RHD: variants seen among roughly 807,000 people sequenced by gnomAD.
The protein encoded by RHD is blood group Rh(D) polypeptide.
A neutral mutation model predicts 45.5 loss-of-function variants in RHD; 16 were observed. The ratio of observed to expected loss-of-function variants is 0.35; its 90% confidence interval spans 0.24 to 0.53. The LOEUF is 0.53. RHD is among the 20% of genes least tolerant of loss of function. The pLI is 0.92. For missense variants in RHD, 306 were observed against 532.0 expected (o/e 0.58, Z 4.18); for synonymous variants, 131 against 217.5 (o/e 0.60, Z 3.50).
intron 2 of RHD, among the ~76,000 whole-genome samples, chr1:25,287,780 G>A (rs1642166132): frequency 1.5e-5 from 2 of 135,048 alleles, no homozygotes; most frequent in African/African-American, 5.1e-5. Context: ...GGAGTGCAGT[G>A]GTACAATCAT....
intron 7 of RHD, among the ~76,000 whole-genome samples, chr1:25,312,949 A>C (rs1290584454): frequency 8.9e-6 from 1 of 112,154 alleles, no homozygotes; most frequent in African/African-American, 2.9e-5. Flanking sequence ...AAAAAAAAAA[A>C]AAAAAACTTT....
Position 25,329,164 on chromosome 1 carries a change from T to A in RHD, c.*240T>A. The A allele has an allele frequency of 1.0e-6, 1 of 971,144 alleles. No individual in the cohort carries two copies. The highest frequency in any genetic ancestry group is 1.6e-6 in the Non-Finnish European group (1 of 639,480). The allele number at this position is 971,144 out of a possible 1,614,324, so 60.2% of individuals were successfully genotyped here. ...TACAGCCATGTACCACATAACAACA[T>A]CTTGGTAAACAACAGACTGCATATA... On this transcript the variant is annotated 3_prime_UTR_variant, in exon 10 of 10. Transcript: ENST00000328664.
chr1:25,281,362 C>A lies in RHD; in HGVS notation c.149-3211C>A, dbSNP rs1187118925. ...CCCCTCACAGGCTCTCTCTGGTCCC[C>A]TTCTGTAAAATGAGAGGAAAATGGA... On this transcript the variant is annotated intron_variant, in intron 1 of 9. Coordinates refer to ENST00000328664, the MANE Select transcript of RHD (RefSeq NM_016124.6). Among the ~76,000 whole-genome samples, 13 of 131,276 alleles carry A rather than the reference C, an allele frequency of 9.9e-5. 2 individuals are homozygous for A. Among genetic ancestry groups the A allele is most frequent in the African/African-American group, 3.4e-4 (13 of 37,732 alleles). The allele number at this position is 131,276 out of a possible 152,430, so 86.1% of individuals were successfully genotyped here.
chr1:25,285,632 A>G (rs1345779708), intron 2 of RHD, among the ~76,000 whole-genome samples: 1 of 135,390 alleles, frequency 7.4e-6, no homozygotes, highest in Non-Finnish European at 1.8e-5. Flanking sequence ...GATATTGATT[A>G]GGAAGGAACA....
chr1:25,305,816 G>T (rs1297870769), intron 6 of RHD, among the ~76,000 whole-genome samples: 3 of 130,832 alleles, frequency 2.3e-5, no homozygotes, highest in African/African-American at 7.9e-5. Context: ...TGGCCCTGCT[G>T]GTCTTGAACT....
chr1:25,316,583 C>T (rs1268919192), intron 7 of RHD, among the ~76,000 whole-genome samples: 4 of 83,410 alleles, frequency 4.8e-5, no homozygotes, highest in Middle Eastern at 7.9e-3. Context: ...CCAGTCTGGA[C>T]GACAGAGTGA....
intron 3 of RHD, among the ~76,000 whole-genome samples, chr1:25,292,896 G>A (rs1456392798): frequency 2.5e-5 from 3 of 121,172 alleles, no homozygotes; most frequent in Admixed American, 1.6e-4. Flanking sequence ...ACATGTGTAA[G>A]AGCCAGCAAA....
At chr1:25,303,519 C>T in intron 6 of RHD, 60 bp downstream of exon 6, 1 of 1,340,286 alleles carries the variant, frequency 7.5e-7, no homozygotes. Context: ...GACGCTGGGA[C>T]CTGATGGGCC....
intron 1 of RHD, among the ~76,000 whole-genome samples, chr1:25,275,604 A>G (rs1334532667): frequency 1.5e-5 from 2 of 133,046 alleles, no homozygotes; most frequent in Admixed American, 7.3e-5. Flanking sequence ...TACTTTAAGT[A>G]TTACTACATT....
chr1:25,309,757 C>G lies in RHD; in HGVS notation c.1073+3028C>G, dbSNP rs545636274. Among the ~76,000 whole-genome samples, 25 of 131,566 alleles carry G rather than the reference C, an allele frequency of 1.9e-4. 5 individuals carry two copies. The South Asian group carries it at 5.3e-3, about 28-fold the overall frequency. 86.3% of individuals were successfully genotyped at this position (131,566 alleles called of 152,430 possible). A position where few individuals can be genotyped will look rare whatever the true frequency, so the allele number is the denominator to read the frequency against. On this transcript the variant is annotated intron_variant, in intron 7 of 9. Coordinates refer to ENST00000328664, the MANE Select transcript of RHD (RefSeq NM_016124.6). ...TTCACTTCCCTAACCTGAACTTGCC[C>G]TCTGTGAAATAGGGACACTAATAGC... is the stretch of plus-strand genomic sequence containing the variant.
chr1:25,290,602 T>C (rs1218308937), intron 2 of RHD, 39 bp from the exon 3 acceptor site: 1 of 1,322,102 alleles, frequency 7.6e-7, no homozygotes, highest in Non-Finnish European at 1.1e-6. Context: ...AGAGGCATCC[T>C]TCCTTCTCAG....
chr1:25,284,980 A>G (rs141668319), intron 2 of RHD, among the ~76,000 whole-genome samples: 2,743 of 135,044 alleles, frequency 0.02, 414 homozygotes, highest in African/African-American at 0.065. Context: ...ATCACAAGGA[A>G]TCCAGGCCTA....
At chr1:25,293,380 TA>T (rs1344560642) in intron 3 of RHD, among the ~76,000 whole-genome samples, 1 of 130,494 alleles carries the variant, frequency 7.7e-6, no homozygotes, top group South Asian at 2.3e-4. Context: ...ACATTTTATT[TA>T]AAAAAATTAT....
In RHD at chr1:25,312,054, C is replaced by T. The variant is rs1276407959; in HGVS notation, c.1074-4946C>T. 1.0e-4 allele frequency among the ~76,000 whole-genome samples: 11 copies of T among 107,218 alleles called. No individual in the cohort carries two copies. In the East Asian group the frequency reaches 2.3e-3, roughly 22 times the overall value. The allele number at this position is 107,218 out of a possible 152,430, so 70.3% of individuals were successfully genotyped here. ...TGCAGGCATGAGACTCCAACCTGTG[C>T]GAAGTGCAACATGGGCAGAACCCAG... On this transcript the variant is annotated intron_variant, in intron 7 of 9. Transcript: ENST00000328664.
chr1:25,289,034 G>T (rs1642273797), intron 2 of RHD, among the ~76,000 whole-genome samples: 1 of 133,734 alleles, frequency 7.5e-6, no homozygotes, highest in East Asian at 2.0e-4. Context: ...GCTGAGTCCA[G>T]ACTTCAGAGC....
In RHD at chr1:25,273,104, T is replaced by C. The variant is rs588445; in HGVS notation, c.148+409T>C. Among the ~76,000 whole-genome samples, 172 of 131,350 alleles carry C rather than the reference T, an allele frequency of 1.3e-3. 28 individuals are homozygous for C. The highest frequency in any genetic ancestry group is 4.2e-3 in the African/African-American group (162 of 38,566). 86.2% of individuals were successfully genotyped at this position (131,350 alleles called of 152,430 possible). A position where few individuals can be genotyped will look rare whatever the true frequency, so the allele number is the denominator to read the frequency against. The stretch of plus-strand genomic sequence containing the variant: ...AAGCAATTTCATGTTGTTGGGTTTT[T>C]GGTTTTTGTTTCCTTTTTGTGGCCT... On this transcript the variant is annotated intron_variant, in intron 1 of 9. Transcript: ENST00000328664.
rs1293619828 is a variant in RHD, at chr1:25,306,250, C to A, written c.940-346C>A. Among the ~76,000 whole-genome samples the A allele has an allele frequency of 1.5e-5, 2 of 131,718 alleles. 1 individual carries two copies. The highest frequency in any genetic ancestry group is 5.2e-5 in the African/African-American group (2 of 38,216). The allele number at this position is 131,718 out of a possible 152,430, so 86.4% of individuals were successfully genotyped here. On this transcript the variant is annotated intron_variant, in intron 6 of 9. Transcript: ENST00000328664. ...ATGCTGCTTAACATCCTACAGTACA[C>A]AGGGCAGCCCCCACCACAAGGAATT...
chr1:25,278,608 A>C lies in RHD; in HGVS notation c.148+5913A>C, dbSNP rs1166955445. ...ATTCACTGGGGGCCATTACTGTAAC[A>C]ATCGCCTACCAGGCAGAGCTTCCCT... is the stretch of plus-strand genomic sequence containing the variant. On this transcript the variant is annotated intron_variant, in intron 1 of 9. Transcript: ENST00000328664. 2.3e-5 allele frequency among the ~76,000 whole-genome samples: 3 copies of C among 130,928 alleles called. 1 individual carries two copies. The highest frequency in any genetic ancestry group is 5.2e-5 in the African/African-American group (2 of 38,444). The allele number at this position is 130,928 out of a possible 152,430, so 85.9% of individuals were successfully genotyped here.
At chr1:25,320,642 T>A (rs1158536315) in intron 8 of RHD, among the ~76,000 whole-genome samples, 1 of 132,232 alleles carries the variant, frequency 7.6e-6, no homozygotes, top group Admixed American at 7.4e-5. Flanking sequence ...GAGCATTTCC[T>A]TGCTTCCTGT....
Sources: gnomAD v4.1 joint callset for allele counts (sites outside exome capture counted in the v4.1 genomes callset) on GRCh38, gnomAD v4.1.1 for gene constraint, MANE v1.5 for transcripts, NCBI Gene and HGNC (gene_info 2026-07-23, HGNC 2026-07-21) for gene names.